FREM2: variants seen among roughly 807,000 people sequenced by gnomAD.
FREM2 encodes the protein FRAS1-related extracellular matrix protein 2.
Under a neutral mutation model 219.9 loss-of-function variants are expected in FREM2, and 119 were observed. The observed-to-expected ratio is 0.54, with a 90% CI of 0.47 to 0.63. FREM2 has a LOEUF of 0.63. Ranked by LOEUF, FREM2 falls within the 30% of genes least tolerant of loss-of-function variation. FREM2 has a pLI of 0.00. For synonymous variants in FREM2, 1,562 were observed against 1,522.8 expected, an observed-to-expected ratio of 1.03 and a Z score of -0.60; for missense variants, 4,030 against 3,993.6, an observed-to-expected ratio of 1.01 and a Z score of -0.25.
At chr13:38,695,261 TTTAC>T (rs923862015) in intron 1 of FREM2, among the ~76,000 whole-genome samples, 9 of 152,136 alleles carry the variant, frequency 5.9e-5, no homozygotes, top group Admixed American at 3.9e-4. Context: ...GATGAAAGTC[TTTAC>T]TTACTTTTTT....
At position 38,810,227 on chromosome 13, in the gene FREM2, G is replaced by GT. The variant is rs200061474; in HGVS notation, c.6019+25427dup. ...ATAATATTTTTGGTCGAATTTTTAG[G>GT]TTTTTTTTCTGAATATAAGATTATA... On this transcript the variant is annotated intron_variant, in intron 6 of 23. Coordinates refer to ENST00000280481, the MANE Select transcript of FREM2 (RefSeq NM_207361.6). Among the ~76,000 whole-genome samples, 8 of 141,252 alleles carry GT rather than the reference G, an allele frequency of 5.7e-5. No homozygotes were observed. In the South Asian group the frequency reaches 1.2e-3, roughly 21 times the overall value. 92.7% of individuals were successfully genotyped at this position (141,252 alleles called of 152,430 possible).
intron 6 of FREM2, among the ~76,000 whole-genome samples, chr13:38,798,309 A>T (rs574172119): frequency 6.6e-6 from 1 of 151,830 alleles, no homozygotes; most frequent in Non-Finnish European, 1.5e-5. Flanking sequence ...CATCCTTGCA[A>T]CCCTGTTTTA....
intron 6 of FREM2, among the ~76,000 whole-genome samples, chr13:38,840,396 A>C (rs568925556): frequency 7.1e-6 from 1 of 140,582 alleles, no homozygotes; most frequent in East Asian, 2.1e-4. Flanking sequence ...AGCTGTTCCT[A>C]TTCAGCCACC....
Position 38,816,093 on chromosome 13 carries a change from G to A in FREM2, c.6020-30480G>A, listed in dbSNP as rs565203665. Reference sequence around the variant, plus strand: ...GAGGACATTGAATCAGTAATAAAAAGTCCTCCATCAAAGAAGAGCTCAGGA... The same window carrying A: ...GAGGACATTGAATCAGTAATAAAAAATCCTCCATCAAAGAAGAGCTCAGGA... On this transcript the variant is annotated intron_variant, in intron 6 of 23. Transcript: ENST00000280481. Among the ~76,000 whole-genome samples, 76 of 152,232 alleles carry A rather than the reference G, an allele frequency of 5.0e-4. 1 individual carries two copies. Among genetic ancestry groups the A allele is most frequent in the African/African-American group, 1.7e-3 (69 of 41,572 alleles).
intron 6 of FREM2, among the ~76,000 whole-genome samples, chr13:38,786,453 TAAG>T (rs567050788): frequency 1.3e-5 from 2 of 152,212 alleles, no homozygotes; most frequent in African/African-American, 2.4e-5. Context: ...ATCAGTGTAA[TAAG>T]AAGTTCTATT....
At chr13:38,860,278 CTG>C (rs540587994) in intron 14 of FREM2, among the ~76,000 whole-genome samples, 5 of 151,968 alleles carry the variant, frequency 3.3e-5, no homozygotes, top group Non-Finnish European at 7.4e-5. Flanking sequence ...ACAAGAGAGA[CTG>C]TATTTAAGGC....
chr13:38,694,848 A>G (rs1378814025), intron 1 of FREM2, among the ~76,000 whole-genome samples: 1 of 152,174 alleles, frequency 6.6e-6, no homozygotes, highest in Non-Finnish European at 1.5e-5. Context: ...GCATGTCTCA[A>G]GTACCTGGAT....
At chr13:38,723,276 G>A (rs888648576) in intron 2 of FREM2, among the ~76,000 whole-genome samples, 1 of 151,850 alleles carries the variant, frequency 6.6e-6, no homozygotes, top group Non-Finnish European at 1.5e-5. Flanking sequence ...TAAAACAGCT[G>A]GAGATGTCCG....
rs930791337 is a variant in FREM2, at chr13:38,691,936, A to G, written c.4592A>G (p.Asn1531Ser). ...CGTATCTCCATTAGCGATGTGGACA[A>G]TAAAAAGCCAGTGGTCACCATCCAC... ...TFRISISDVD[N>S]KKPVVTIHKL... The change falls in exon 1 of 24, where the codon AAT becomes AGT. Residue 1531 changes from asparagine to serine, a missense_variant. By Grantham distance (46) the Asn-to-Ser change is conservative (BLOSUM62 1). Around this residue, in one of 2 missense-constraint regions of FREM2, gnomAD observed 3,102 missense variants for 2,950.7 expected, o/e 1.05. Coordinates refer to ENST00000280481, the MANE Select transcript of FREM2 (RefSeq NM_207361.6). The G allele has an allele frequency of 1.2e-6, 2 of 1,614,074 alleles. No individual in the cohort carries two copies. Among genetic ancestry groups the G allele is most frequent in the Admixed American group, 1.7e-5 (1 of 60,018 alleles).
At chr13:38,692,578 A>G in intron 1 of FREM2, 61 bp downstream of exon 1, 2 of 1,565,974 alleles carry the variant, frequency 1.3e-6, no homozygotes, top group East Asian at 2.2e-5. Flanking sequence ...CTTCACTAAA[A>G]GCCTCACAAA....
At chr13:38,826,178 A>G (rs953228679) in intron 6 of FREM2, among the ~76,000 whole-genome samples, 1 of 152,130 alleles carries the variant, frequency 6.6e-6, no homozygotes, top group Non-Finnish European at 1.5e-5. Flanking sequence ...GCTGCCAACT[A>G]GTATCATATC....
chr13:38,794,006 A>C (rs1446325430), intron 6 of FREM2, among the ~76,000 whole-genome samples: 1 of 152,184 alleles, frequency 6.6e-6, no homozygotes, highest in Non-Finnish European at 1.5e-5. Flanking sequence ...CTTGACTTCA[A>C]ATGCGGGATA....
chr13:38,760,377 G>T (rs117215357), intron 2 of FREM2, among the ~76,000 whole-genome samples: 1 of 152,124 alleles, frequency 6.6e-6, no homozygotes, highest in Non-Finnish European at 1.5e-5. Flanking sequence ...TGGCAACTTC[G>T]TCCTTTCAGA....
At chr13:38,836,167 A>G (rs993158974) in intron 6 of FREM2, among the ~76,000 whole-genome samples, 3 of 152,116 alleles carry the variant, frequency 2.0e-5, no homozygotes, top group African/African-American at 4.8e-5. Flanking sequence ...GTTGAATTTT[A>G]TCGAAGGTCT....
chr13:38,702,577 T>G (rs1697336638), intron 2 of FREM2, among the ~76,000 whole-genome samples: 1 of 151,996 alleles, frequency 6.6e-6, no homozygotes, highest in Admixed American at 6.6e-5. Flanking sequence ...CAGCATCAGA[T>G]CCAGCTTGTT....
At chr13:38,787,045 C>G (rs1874359769) in intron 6 of FREM2, among the ~76,000 whole-genome samples, 1 of 152,072 alleles carries the variant, frequency 6.6e-6, no homozygotes, top group Admixed American at 6.6e-5. Flanking sequence ...TTACTATTGT[C>G]AGTGTCTTAT....
At chr13:38,802,467 G>A (rs935842716) in intron 6 of FREM2, among the ~76,000 whole-genome samples, 65 of 152,162 alleles carry the variant, frequency 4.3e-4, no homozygotes, top group African/African-American at 1.5e-3. Context: ...CTGTGGGCCT[G>A]CCACCAGGAA....
At chr13:38,761,499 T>G (rs1321751914) in intron 2 of FREM2, among the ~76,000 whole-genome samples, 1 of 152,216 alleles carries the variant, frequency 6.6e-6, no homozygotes, top group Non-Finnish European at 1.5e-5. Flanking sequence ...TTTTTTAAAA[T>G]ATTTTTTAAA....
intron 6 of FREM2, among the ~76,000 whole-genome samples, chr13:38,837,143 T>C (rs1471457866): frequency 3.3e-5 from 5 of 152,228 alleles, no homozygotes; most frequent in Non-Finnish European, 7.3e-5. Flanking sequence ...ACATTGTGTC[T>C]TTGTTCTCAC....
Sources: allele counts gnomAD v4.1 joint callset (sites outside exome capture counted in the v4.1 genomes callset), GRCh38; gene constraint gnomAD v4.1.1; regional missense constraint gnomAD v4.1.1; transcripts MANE v1.5; gene names NCBI Gene and HGNC (gene_info 2026-07-23, HGNC 2026-07-21).